The following KHDRBS2 variants were observed in gnomAD, a reference collection of about 807,000 sequenced individuals.
KHDRBS2 encodes the protein KH RNA binding domain containing, signal transduction associated 2.
A neutral mutation model predicts 44.3 loss-of-function variants in KHDRBS2; 26 were observed. That is an observed-to-expected ratio of 0.59 (90% CI 0.43 to 0.81). The LOEUF is 0.81. Among genes scored for constraint, KHDRBS2 ranks in the 40% least tolerant of loss-of-function variants. The pLI is 0.00. For missense variants in KHDRBS2, 476 were observed against 433.1 expected (o/e 1.10, Z -0.88); for synonymous variants, 194 against 151.1 (o/e 1.28, Z -2.08).
In KHDRBS2 at chr6:61,834,310, A is replaced by C. The variant is rs576797696; in HGVS notation, c.810+60325T>G. ...AAAAGGCATTTTCCTTACTTTCTTCAATATTGTTATTTAAAAACAAAAATA... is the reference window on the plus strand; with the variant it reads ...AAAAGGCATTTTCCTTACTTTCTTCCATATTGTTATTTAAAAACAAAAATA... On this transcript the variant is annotated intron_variant, in intron 6 of 8. Transcript: ENST00000281156. Among the ~76,000 whole-genome samples, 8 of 152,152 alleles carry C rather than the reference A, an allele frequency of 5.3e-5. No homozygotes were observed. The South Asian group carries it at 1.7e-3, about 32-fold the overall frequency.
intron 6 of KHDRBS2, among the ~76,000 whole-genome samples, chr6:61,802,705 C>A (rs1333537692): frequency 6.6e-6 from 1 of 152,120 alleles, no homozygotes; most frequent in Non-Finnish European, 1.5e-5. Flanking sequence ...TTACAAATTT[C>A]TTTTCTTCAG....
At chr6:61,556,501 G>A in the KHDRBS2 span, among the ~76,000 whole-genome samples, 1 of 152,148 alleles carries the variant, frequency 6.6e-6, no homozygotes, top group African/African-American at 2.4e-5. Context: ...TCTTTGAAGT[G>A]ATAGGCTCAC....
intron 3 of KHDRBS2, among the ~76,000 whole-genome samples, chr6:62,044,359 C>T (rs572801878): frequency 1.3e-5 from 2 of 151,894 alleles, no homozygotes; most frequent in South Asian, 2.1e-4. Context: ...ACCTGTAGTC[C>T]CAGATACTTG....
chr6:61,867,811 C>T (rs1272651991), intron 6 of KHDRBS2, among the ~76,000 whole-genome samples: 2 of 152,190 alleles, frequency 1.3e-5, no homozygotes. Context: ...TGGCCGCCTG[C>T]CCCATCCTCT....
At chr6:61,935,091 A>G (rs1314253132) in intron 4 of KHDRBS2, among the ~76,000 whole-genome samples, 1 of 152,134 alleles carries the variant, frequency 6.6e-6, no homozygotes, top group Admixed American at 6.5e-5. Flanking sequence ...ACTTGTATGA[A>G]CCCTCTTTCT....
chr6:62,191,088 CTG>C (rs1350965558), intron 1 of KHDRBS2, among the ~76,000 whole-genome samples: 4 of 152,120 alleles, frequency 2.6e-5, no homozygotes, highest in Non-Finnish European at 4.4e-5. Context: ...GGTATCTGAA[CTG>C]TGTTTATTCC....
chr6:61,686,558 C>T (rs1474227366), intron 8 of KHDRBS2, among the ~76,000 whole-genome samples: 1 of 151,584 alleles, frequency 6.6e-6, no homozygotes, highest in Non-Finnish European at 1.5e-5. Flanking sequence ...GTTTAAACAC[C>T]TATCATATTT....
At chr6:61,774,902 A>G (rs770484517) in intron 6 of KHDRBS2, among the ~76,000 whole-genome samples, 4 of 152,122 alleles carry the variant, frequency 2.6e-5, no homozygotes, top group Admixed American at 6.6e-5. Context: ...AGAAAATACT[A>G]GCAAACTGAA....
At chr6:62,224,231 A>C (rs1563090910) in intron 1 of KHDRBS2, among the ~76,000 whole-genome samples, 1 of 152,176 alleles carries the variant, frequency 6.6e-6, no homozygotes, top group Admixed American at 6.5e-5. Context: ...TAAACTGATA[A>C]AGCAGAAACC....
At chr6:62,181,347 A>G (rs1822243819) in intron 1 of KHDRBS2, among the ~76,000 whole-genome samples, 1 of 152,022 alleles carries the variant, frequency 6.6e-6, no homozygotes, top group African/African-American at 2.4e-5. Flanking sequence ...ACAACTTAAT[A>G]GCAAGAAACC....
the KHDRBS2 span, among the ~76,000 whole-genome samples, chr6:61,594,236 A>T: frequency 9.8e-6 from 1 of 101,738 alleles, no homozygotes; most frequent in Non-Finnish European, 2.3e-5. Context: ...AAAAATGAGC[A>T]ACAGTTTAAA....
chr6:61,860,039 A>G (rs1274275838), intron 6 of KHDRBS2, among the ~76,000 whole-genome samples: 2 of 151,940 alleles, frequency 1.3e-5, no homozygotes, highest in African/African-American at 4.8e-5. Context: ...ATAAAATTAG[A>G]TGGATTGAGA....
chr6:61,868,341 C>A (rs189861068), intron 6 of KHDRBS2, among the ~76,000 whole-genome samples: 9 of 152,098 alleles, frequency 5.9e-5, no homozygotes, highest in African/African-American at 1.7e-4. Context: ...CCCCTCCCTG[C>A]CAGGCACTCC....
chr6:62,221,977 C>T (rs1336504728), intron 1 of KHDRBS2, among the ~76,000 whole-genome samples: 1 of 151,994 alleles, frequency 6.6e-6, no homozygotes, highest in African/African-American at 2.4e-5. Context: ...CAATTAAGTC[C>T]TAAACAAGTA....
intron 4 of KHDRBS2, among the ~76,000 whole-genome samples, chr6:61,934,899 G>A (rs542372073): frequency 4.5e-4 from 69 of 152,152 alleles, no homozygotes; most frequent in Non-Finnish European, 7.9e-4. Context: ...ATTTCTTTAG[G>A]GAAACTGGAG....
intron 4 of KHDRBS2, among the ~76,000 whole-genome samples, chr6:61,917,719 G>A (rs1438412239): frequency 6.6e-6 from 1 of 151,902 alleles, no homozygotes; most frequent in African/African-American, 2.4e-5. Flanking sequence ...TGATGGTAGG[G>A]AAGACTGAGG....
chr6:61,732,431 TA>T (rs1774628082), intron 7 of KHDRBS2, among the ~76,000 whole-genome samples: 2 of 152,186 alleles, frequency 1.3e-5, no homozygotes, highest in Non-Finnish European at 2.9e-5. Flanking sequence ...AATACAAGCT[TA>T]TTTAACGAGT....
chr6:62,035,735 GT>G (rs1435360652), intron 3 of KHDRBS2, among the ~76,000 whole-genome samples: 1 of 152,062 alleles, frequency 6.6e-6, no homozygotes, highest in Middle Eastern at 3.4e-3. Context: ...TTGCATCCCT[GT>G]ATCAAAACAT....
In KHDRBS2 at chr6:61,853,424, T is replaced by C. The variant is rs538525479; in HGVS notation, c.810+41211A>G. Reference sequence around the variant, plus strand: ...ATAATAAAAAGTTGCATAAACATAATTACAGTTATGTGATCAAAAACCTAG... The same window carrying C: ...ATAATAAAAAGTTGCATAAACATAACTACAGTTATGTGATCAAAAACCTAG... On this transcript the variant is annotated intron_variant, in intron 6 of 8. Transcript: ENST00000281156. Among the ~76,000 whole-genome samples, 10 of 152,258 alleles carry C rather than the reference T, an allele frequency of 6.6e-5. No homozygotes were observed. In the East Asian group the frequency reaches 1.9e-3, roughly 29 times the overall value.
Sources: allele counts gnomAD v4.1 joint callset (sites outside exome capture counted in the v4.1 genomes callset), GRCh38; gene constraint gnomAD v4.1.1; transcripts MANE v1.5; gene names NCBI Gene and HGNC (gene_info 2026-07-23, HGNC 2026-07-21).